CNTNAP5: variants seen among roughly 807,000 people sequenced by gnomAD.
CNTNAP5 encodes the protein contactin associated protein family member 5, also known as contactin-associated protein-like 5.
A neutral mutation model predicts 150.2 loss-of-function variants in CNTNAP5; 72 were observed. The ratio of observed to expected loss-of-function variants is 0.48; its 90% CI spans 0.40 to 0.58. The LOEUF is 0.58. Among genes scored for constraint, CNTNAP5 ranks in the 20% least tolerant of loss-of-function variants. The pLI, the probability that CNTNAP5 is intolerant of heterozygous loss-of-function variation, is 0.00. For synonymous variants in CNTNAP5, 672 were observed against 619.8 expected, an observed-to-expected ratio of 1.08 and a Z score of -1.25; for missense variants, 1,636 against 1,626.2, an observed-to-expected ratio of 1.01 and a Z score of -0.10.
chr2:124,685,749 T>G (rs1679179170), intron 13 of CNTNAP5, among the ~76,000 whole-genome samples: 1 of 125,208 alleles, frequency 8.0e-6, no homozygotes, highest in South Asian at 2.5e-4. Context: ...AGTGTGTGTG[T>G]GTGTGTGTGT....
chr2:124,428,889 T>TTAAAAA, intron 4 of CNTNAP5, among the ~76,000 whole-genome samples: 1 of 151,984 alleles, frequency 6.6e-6, no homozygotes, highest in South Asian at 2.1e-4. Flanking sequence ...TTTGGTACCT[T>TTAAAAA]TAAATCTGAA....
intron 3 of CNTNAP5, among the ~76,000 whole-genome samples, chr2:124,262,957 T>A (rs1487096329): frequency 6.6e-6 from 1 of 152,030 alleles, no homozygotes; most frequent in African/African-American, 2.4e-5. Flanking sequence ...GCTTCATCCA[T>A]GTCCCTACAA....
chr2:124,501,962 A>G (rs902131993), intron 7 of CNTNAP5, among the ~76,000 whole-genome samples: 4 of 152,176 alleles, frequency 2.6e-5, no homozygotes, highest in Non-Finnish European at 4.4e-5. Context: ...GAGTGGCTTC[A>G]CAGGGGCAAG....
intron 1 of CNTNAP5, among the ~76,000 whole-genome samples, chr2:124,034,195 A>G (rs1159275263): frequency 6.6e-6 from 1 of 152,194 alleles, no homozygotes; most frequent in African/African-American, 2.4e-5. Context: ...TTCTGTGTAT[A>G]CTAACATGCA....
At chr2:124,304,220 C>T (rs1232407329) in intron 3 of CNTNAP5, among the ~76,000 whole-genome samples, 6 of 152,048 alleles carry the variant, frequency 3.9e-5, no homozygotes, top group Non-Finnish European at 2.9e-5. Context: ...TCATTAGAAA[C>T]ATAAGTAATT....
rs554376022 is a variant in CNTNAP5, at chr2:124,173,825, T to C, written c.83-47880T>C. Among the ~76,000 whole-genome samples, 7 of 152,308 alleles carry C rather than the reference T, an allele frequency of 4.6e-5. No homozygotes were observed. The East Asian group carries it at 1.4e-3, about 29-fold the overall frequency. On this transcript the variant is annotated intron_variant, in intron 1 of 23. Coordinates refer to ENST00000682447, the MANE Select transcript of CNTNAP5 (RefSeq NM_001367498.1). ...AATGTAGACAAAACAGCCTTTCTTT[T>C]GGAAGAGAATGTGATCTAGGACTTT...
intron 7 of CNTNAP5, among the ~76,000 whole-genome samples, chr2:124,476,765 G>A (rs1010669058): frequency 2.0e-5 from 3 of 152,100 alleles, no homozygotes; most frequent in South Asian, 2.1e-4. Context: ...TGGAAATGGG[G>A]CCATAGTCTT....
rs1441589633 is a variant in CNTNAP5, at chr2:124,670,175, T to TCCTTCCTTCCTTCCTTCCTTCCTC, written c.2077+22220_2077+22221insTCCTTCCTTCCTTCCTTCCTCCCT. Among the ~76,000 whole-genome samples the TCCTTCCTTCCTTCCTTCCTTCCTC allele has an allele frequency of 1.2e-3, 160 of 136,476 alleles. 1 individual carries two copies. The highest frequency in any genetic ancestry group is 3.9e-3 in the African/African-American group (135 of 34,456). The allele number at this position is 136,476 out of a possible 152,430, so 89.5% of individuals were successfully genotyped here. On this transcript the variant is annotated intron_variant, in intron 13 of 23. Transcript: ENST00000682447. ...TTCCTTCCTTCCTTCCTTCCTTCCT[T>TCCTTCCTTCCTTCCTTCCTTCCTC]CCTCCCTCTCTTTCTCTTTCTCTCT...
intron 3 of CNTNAP5, among the ~76,000 whole-genome samples, chr2:124,371,163 C>T (rs141094827): frequency 5.3e-5 from 8 of 152,152 alleles, no homozygotes; most frequent in South Asian, 2.1e-4. Context: ...TTAGGTTTTA[C>T]GACCTGCTTC....
intron 17 of CNTNAP5, among the ~76,000 whole-genome samples, chr2:124,786,512 AAAG>A (rs1304502096): frequency 2.0e-5 from 3 of 146,658 alleles, no homozygotes; most frequent in Admixed American, 2.0e-4. Flanking sequence ...AAAGAAAAAG[AAAG>A]AAAGAAAGAG....
intron 13 of CNTNAP5, among the ~76,000 whole-genome samples, chr2:124,697,732 C>A (rs1209935195): frequency 1.3e-5 from 2 of 152,022 alleles, no homozygotes; most frequent in African/African-American, 4.8e-5. Context: ...TGAGCAGAAG[C>A]AACACACCAA....
At chr2:124,097,597 G>C (rs1409478246) in intron 1 of CNTNAP5, among the ~76,000 whole-genome samples, 2 of 152,158 alleles carry the variant, frequency 1.3e-5, no homozygotes, top group Non-Finnish European at 2.9e-5. Flanking sequence ...TTGCAGGAAT[G>C]AGCTGGCCCT....
chr2:124,546,843 G>A (rs894535004), intron 10 of CNTNAP5, among the ~76,000 whole-genome samples: 1 of 152,090 alleles, frequency 6.6e-6, no homozygotes, highest in African/African-American at 2.4e-5. Context: ...CTTGACTTGT[G>A]AGCCTCCCTT....
rs577609743 is a variant in CNTNAP5, at chr2:124,622,579, T to C, written c.1876+12659T>C. Among the ~76,000 whole-genome samples the C allele has an allele frequency of 3.3e-5, 5 of 152,174 alleles. No individual in the cohort carries two copies. In the South Asian group the frequency reaches 1.0e-3, roughly 32 times the overall value. On this transcript the variant is annotated intron_variant, in intron 12 of 23. Coordinates refer to ENST00000682447, the MANE Select transcript of CNTNAP5 (RefSeq NM_001367498.1). ...CCACAATGGGCGAACTAATTTATAC[T>C]CCCACCGACAGTGTAAAAGCATTCC...
intron 11 of CNTNAP5, among the ~76,000 whole-genome samples, chr2:124,600,026 T>C (rs1364302525): frequency 2.0e-5 from 3 of 152,130 alleles, no homozygotes; most frequent in Non-Finnish European, 4.4e-5. Flanking sequence ...GCATTCTCAA[T>C]AAACGTGTGT....
chr2:124,905,549 G>T (rs1413198259), intron 22 of CNTNAP5, among the ~76,000 whole-genome samples: 2 of 152,134 alleles, frequency 1.3e-5, no homozygotes, highest in Admixed American at 1.3e-4. Context: ...CATTTTGGGT[G>T]TCTGAAAATG....
intron 3 of CNTNAP5, among the ~76,000 whole-genome samples, chr2:124,410,064 A>T (rs554025800): frequency 5.9e-5 from 9 of 152,288 alleles, no homozygotes; most frequent in African/African-American, 2.2e-4. Flanking sequence ...AAACAAAAAA[A>T]GGCAGGGGTT....
At chr2:124,674,381 C>T (rs1401428676) in intron 13 of CNTNAP5, among the ~76,000 whole-genome samples, 4 of 138,950 alleles carry the variant, frequency 2.9e-5, no homozygotes, top group African/African-American at 1.1e-4. Context: ...CCTTCCCTCC[C>T]TCCTTTGTTC....
At chr2:124,108,353 C>G (rs907944795) in intron 1 of CNTNAP5, among the ~76,000 whole-genome samples, 2 of 152,100 alleles carry the variant, frequency 1.3e-5, no homozygotes, top group Non-Finnish European at 2.9e-5. Flanking sequence ...ATTATGTTCT[C>G]TTTCTCAGTG....
Sources: gnomAD v4.1 joint callset for allele counts (sites outside exome capture counted in the v4.1 genomes callset) on GRCh38, gnomAD v4.1.1 for gene constraint, MANE v1.5 for transcripts, NCBI Gene and HGNC (gene_info 2026-07-23, HGNC 2026-07-21) for gene names.